The following RAP1B variants were observed in gnomAD, a reference collection of about 807,000 sequenced individuals.
RAP1B encodes the protein ras-related protein Rap-1b.
A neutral mutation model predicts 27.5 loss-of-function variants in RAP1B; 1 was observed. The observed-to-expected ratio is 0.04, with a 90% CI of 0.01 to 0.17. The LOEUF is 0.17. RAP1B is among the 10% of genes least tolerant of loss of function. The pLI, the probability that RAP1B is intolerant of heterozygous loss-of-function variation, is 1.00. For missense variants in RAP1B, 84 were observed against 214.8 expected, an observed-to-expected ratio of 0.39 and a Z score of 3.81; for synonymous variants, 75 against 73.1, an observed-to-expected ratio of 1.03 and a Z score of -0.13.
rs181383672 is a variant in RAP1B, at chr12:68,633,322, A to G, written c.-26-15377A>G. 1.2e-3 allele frequency among the ~76,000 whole-genome samples: 189 copies of G among 152,202 alleles called. No individual in the cohort carries two copies. In the Middle Eastern group the frequency reaches 0.014, roughly 11 times the overall value. ...ACTCCCCTATTCCCTAATGATTTAT[A>G]TATCCACTGGTCTGGTTTAAGTATC... On this transcript the variant is annotated intron_variant, in intron 1 of 7. Transcript: ENST00000250559.
intron 1 of RAP1B, among the ~76,000 whole-genome samples, chr12:68,616,198 G>A (rs1362861562): frequency 1.3e-5 from 2 of 152,106 alleles, no homozygotes; most frequent in Non-Finnish European, 2.9e-5. Context: ...TCCTGACCTC[G>A]AGATCCACCT....
rs900830522 is a variant in RAP1B at position 68,664,736 on chromosome 12, C to T, written c.*5487C>T. The T allele has an allele frequency of 2.0e-5, 3 of 152,014 alleles. No homozygotes were observed. The highest frequency in any genetic ancestry group is 2.4e-5 in the African/African-American group (1 of 41,422). 9.4% of individuals were successfully genotyped at this position (152,014 alleles called of 1,614,324 possible). On this transcript the variant is annotated 3_prime_UTR_variant, in exon 8 of 8. Transcript: ENST00000250559. Reference sequence around the variant, plus strand: ...AGAAAAAGAAAAAAAAATCCAGTCTCTGCTGGCAAGGTGTTTAACAAGTCA... The same window carrying T: ...AGAAAAAGAAAAAAAAATCCAGTCTTTGCTGGCAAGGTGTTTAACAAGTCA...
chr12:68,654,952 G>T (rs1370556885), intron 5 of RAP1B, among the ~76,000 whole-genome samples: 1 of 152,136 alleles, frequency 6.6e-6, no homozygotes, highest in Non-Finnish European at 1.5e-5. Context: ...TAGGTCAGCA[G>T]TAGGACCCAG....
chr12:68,628,876 A>G lies in RAP1B; in HGVS notation c.-27+17833A>G, dbSNP rs570507691. ...TACTGGACAGTCCAGATAGAACACT[A>G]TCATTACAGGAAGCTCTATTGGACA... On this transcript the variant is annotated intron_variant, in intron 1 of 7. Transcript: ENST00000250559. Among the ~76,000 whole-genome samples, 11 of 152,362 alleles carry G rather than the reference A, an allele frequency of 7.2e-5. No individual in the cohort carries two copies. The East Asian group carries it at 1.7e-3, about 24-fold the overall frequency.
chr12:68,647,573 C>CTT (rs535209428), intron 1 of RAP1B, among the ~76,000 whole-genome samples: 7 of 141,998 alleles, frequency 4.9e-5, no homozygotes, highest in East Asian at 2.0e-4. Context: ...CTTTTTTTCC[C>CTT]TTTTTTTTTT....
intron 1 of RAP1B, among the ~76,000 whole-genome samples, chr12:68,641,793 A>T (rs1873025150): frequency 2.6e-5 from 2 of 76,704 alleles, no homozygotes; most frequent in African/African-American, 9.1e-5. Flanking sequence ...AATCAAAGGT[A>T]AAAAAAAAAA....
intron 1 of RAP1B, among the ~76,000 whole-genome samples, chr12:68,611,500 C>T (rs1211872890): frequency 1.3e-5 from 2 of 151,950 alleles, no homozygotes; most frequent in African/African-American, 2.4e-5. Flanking sequence ...GAAGTTAGAA[C>T]GGAAACCAGA....
At chr12:68,627,416 C>A (rs762744187) in intron 1 of RAP1B, 12 of 493,156 alleles carry the variant, frequency 2.4e-5, no homozygotes, top group African/African-American at 5.8e-5. Flanking sequence ...CCAATCCCTA[C>A]TAGAATGAGA....
At chr12:68,624,689 T>C (rs1369941080) in intron 1 of RAP1B, 1 of 152,116 alleles carries the variant, frequency 6.6e-6, no homozygotes, top group Non-Finnish European at 1.5e-5. Context: ...GGTGGTGTGT[T>C]CCTGTAGTCC....
chr12:68,653,991 T>C, intron 4 of RAP1B, 121 bp from the exon 5 acceptor site: 1 of 874,002 alleles, frequency 1.1e-6, no homozygotes, highest in Non-Finnish European at 1.7e-6. Flanking sequence ...AGATTATAAT[T>C]TTAACAAAGT....
At chr12:68,656,214 TA>T in intron 5 of RAP1B, 91 bp from the exon 6 acceptor site, 1 of 1,155,732 alleles carries the variant, frequency 8.7e-7, no homozygotes, top group Non-Finnish European at 1.2e-6. Flanking sequence ...ATATGAAAAG[TA>T]ATTCTTAGAT....
At position 68,648,794 on chromosome 12, in the gene RAP1B, T is replaced by C. The variant is rs374797036; in HGVS notation, c.57+13T>C. On this transcript the variant is annotated intron_variant, in intron 2 of 7. Transcript: ENST00000250559. ...AAAGTCTGCTTTGGTAAGTCATTCT[T>C]ACTTTACCTAAGCCTTTCACTCCAA... The C allele has an allele frequency of 9.3e-6, 15 of 1,604,794 alleles. No homozygotes were observed. Among genetic ancestry groups the C allele is most frequent in the Non-Finnish European group, 1.2e-5 (14 of 1,176,490 alleles).
intron 4 of RAP1B, among the ~76,000 whole-genome samples, chr12:68,652,983 G>T (rs1873923321): frequency 6.6e-6 from 1 of 152,144 alleles, no homozygotes; most frequent in African/African-American, 2.4e-5. Flanking sequence ...GTCAAAGGGG[G>T]GTGGATCACC....
At chr12:68,658,654 T>C (rs1874399935) in intron 7 of RAP1B, among the ~76,000 whole-genome samples, 1 of 151,450 alleles carries the variant, frequency 6.6e-6, no homozygotes, top group Non-Finnish European at 1.5e-5. Flanking sequence ...TACCACCTTT[T>C]TCTGACATCA....
chr12:68,613,047 G>T (rs1038362083), intron 1 of RAP1B, among the ~76,000 whole-genome samples: 1 of 152,138 alleles, frequency 6.6e-6, no homozygotes, highest in Non-Finnish European at 1.5e-5. Context: ...TTAAAATGTT[G>T]TATGGGGCAT....
In RAP1B at chr12:68,654,104, T is replaced by C. The variant is rs1196471671; in HGVS notation, c.184-8T>C. 6.4e-7 allele frequency: 1 copy of C among 1,573,622 alleles called. No individual in the cohort carries two copies. Among genetic ancestry groups the C allele is most frequent in the African/African-American group, 1.4e-5 (1 of 73,804 alleles). ...TTGTTTTTTAACGTTCCTTTCTTTC[T>C]ATTGTAGGAGCAATTTACAGCAATG... On this transcript the variant is annotated splice_region_variant and splice_polypyrimidine_tract_variant and intron_variant, in intron 4 of 7. Coordinates refer to ENST00000250559, the MANE Select transcript of RAP1B (RefSeq NM_001010942.3).
At chr12:68,648,888 C>A in intron 2 of RAP1B, 107 bp downstream of exon 2, 1 of 974,612 alleles carries the variant, frequency 1.0e-6, no homozygotes, top group Non-Finnish European at 1.5e-6. Context: ...TCCTTAATGA[C>A]TTTAGAAGCA....
chr12:68,639,063 C>G (rs750751224), intron 1 of RAP1B, among the ~76,000 whole-genome samples: 6 of 152,182 alleles, frequency 3.9e-5, no homozygotes, highest in Non-Finnish European at 5.9e-5. Flanking sequence ...CTTTAGGGAT[C>G]TAGTCGAGAA....
intron 5 of RAP1B, 129 bp downstream of exon 5, chr12:68,654,381 T>C (rs1874049686): frequency 7.1e-6 from 5 of 704,062 alleles, no homozygotes; most frequent in Admixed American, 3.2e-5. Flanking sequence ...TTTTAAACTT[T>C]TTCCTTGAAA....
Sources: allele counts gnomAD v4.1 joint callset (sites outside exome capture counted in the v4.1 genomes callset), GRCh38; gene constraint gnomAD v4.1.1; transcripts MANE v1.5; gene names NCBI Gene and HGNC (gene_info 2026-07-23, HGNC 2026-07-21).